The following TUBGCP3 variants were observed in gnomAD, a reference collection of about 807,000 sequenced individuals.
TUBGCP3 encodes tubulin gamma complex component 3.
A neutral mutation model predicts 123.1 loss-of-function variants in TUBGCP3; 50 were observed. That is an observed-to-expected ratio of 0.41 (90% CI 0.32 to 0.51). The LOEUF is 0.51. Ranked by LOEUF, TUBGCP3 falls within the 20% of genes least tolerant of loss-of-function variation. The pLI, the probability that TUBGCP3 is intolerant of heterozygous loss-of-function variation, is 0.36. For missense variants in TUBGCP3, 882 were observed against 1,127.0 expected (o/e 0.78, Z 3.11); for synonymous variants, 405 against 413.9 (o/e 0.98, Z 0.26).
At chr13:112,543,041 T>C (rs2139157231) in intron 11 of TUBGCP3, among the ~76,000 whole-genome samples, 1 of 152,222 alleles carries the variant, frequency 6.6e-6, no homozygotes, top group Non-Finnish European at 1.5e-5. Context: ...TTCCAGCTAC[T>C]TGGGAGGCTG....
In TUBGCP3 at chr13:112,519,011, G is replaced by A. The variant is rs1343632443; in HGVS notation, c.1914C>T (p.Phe638=). The change falls in exon 16 of 22, where the codon TTC becomes TTT. Residue 638 remains phenylalanine (F), a synonymous_variant. Coordinates refer to ENST00000261965, the MANE Select transcript of TUBGCP3 (RefSeq NM_006322.6). The surrounding 1 kb of genome is among the most constrained non-coding windows in gnomAD (Gnocchi z 6.2). ...VSPGDTGWDV[F]SLDYHVDGPI... is the part of the protein sequence containing the mutation. Reference sequence around the variant, plus strand: ...GTCCGTCAACATGATAATCGAGGCTGAAGACATCCCATCCAGTGTCACCTG... The same window carrying A: ...GTCCGTCAACATGATAATCGAGGCTAAAGACATCCCATCCAGTGTCACCTG... 14 of 1,613,938 alleles carry A rather than the reference G, an allele frequency of 8.7e-6. No individual in the cohort carries two copies. The highest frequency in any genetic ancestry group is 1.3e-5 in the African/African-American group (1 of 74,922).
chr13:112,569,781 A>C (rs908318573), intron 1 of TUBGCP3, among the ~76,000 whole-genome samples: 3 of 152,206 alleles, frequency 2.0e-5, no homozygotes, highest in African/African-American at 7.2e-5. Flanking sequence ...TAAAAGCATA[A>C]ACCAACAAGG....
rs1876924984 is a variant in TUBGCP3 at position 112,524,927 on chromosome 13, T to C, written c.1555+2015A>G. ...AAATGACATTCCTCTCTCAGTGCTA[T>C]GCTCTCCCGAAATCCCCTGCTGCCC... On this transcript the variant is annotated intron_variant, in intron 13 of 21. Transcript: ENST00000261965. This position sits in a 1 kb window ranked among gnomAD's most constrained non-coding sequence, Gnocchi z 4.4. Among the ~76,000 whole-genome samples, 2 of 152,186 alleles carry C rather than the reference T, an allele frequency of 1.3e-5. No individual in the cohort carries two copies. The highest frequency in any genetic ancestry group is 4.1e-4 in the South Asian group (2 of 4,820).
At position 112,504,151 on chromosome 13, in the gene TUBGCP3, A is replaced by C; in HGVS notation, c.2188T>G (p.Ser730Ala). The change falls in exon 19 of 22, where the codon TCT becomes GCT. Residue 730 changes from serine to alanine, a missense_variant. Physicochemically the swap from Ser to Ala is moderately conservative, Grantham distance 99 (BLOSUM62 1). Coordinates refer to ENST00000261965, the MANE Select transcript of TUBGCP3 (RefSeq NM_006322.6). ...ACTTTGTTCCAAAGCTCATCCCAAG[A>C]ACATTCAAGCACCTGGGAAACAACA... The part of the protein sequence containing the change: ...YYITFEVLEC[S>A]WDELWNKVQQ... The C allele has an allele frequency of 6.2e-7, 1 of 1,614,172 alleles. No homozygotes were observed. The highest frequency in any genetic ancestry group is 8.5e-7 in the Non-Finnish European group (1 of 1,180,026).
In TUBGCP3 at chr13:112,511,958, G is replaced by A. The variant is rs545093967; in HGVS notation, c.2086+4482C>T. Among the ~76,000 whole-genome samples the A allele has an allele frequency of 6.6e-6, 1 of 152,220 alleles. No individual in the cohort carries two copies. The highest frequency in any genetic ancestry group is 2.1e-4 in the South Asian group (1 of 4,824). ...CAAGGAAGCACTTACTCAGACACTC[G>A]TTCTCTCGAAAGCACATTTCATTCA... is the stretch of plus-strand genomic sequence containing the variant. On this transcript the variant is annotated intron_variant, in intron 17 of 21. Coordinates refer to ENST00000261965, the MANE Select transcript of TUBGCP3 (RefSeq NM_006322.6). The surrounding 1 kb of genome is among the most constrained non-coding windows in gnomAD (Gnocchi z 4.1).
chr13:112,494,856 T>C (rs912484614), intron 20 of TUBGCP3, among the ~76,000 whole-genome samples: 1 of 152,262 alleles, frequency 6.6e-6, no homozygotes, highest in African/African-American at 2.4e-5. Flanking sequence ...CTTTTTGCCA[T>C]TTGCATTGTC....
chr13:112,504,695 G>C lies in TUBGCP3; in HGVS notation c.2106C>G (p.His702Gln). 6.2e-7 allele frequency: 1 copy of C among 1,613,818 alleles called. No homozygotes were observed. Among genetic ancestry groups the C allele is most frequent in the Non-Finnish European group, 8.5e-7 (1 of 1,179,908 alleles). Residue 702 changes from histidine to glutamine, a missense_variant, in exon 18 of 22, where the codon CAC (histidine) becomes CAG (glutamine). This residue lies in a region of TUBGCP3 where 713 missense variants were observed against 874.0 expected (regional missense o/e 0.82). Transcript: ENST00000261965. The stretch of plus-strand genomic sequence containing the variant: ...TCTCAGAGGCCAAAATGTGACACTG[G>C]TGCAGCACCCCGGAGAACTCTGCAA... ...RNMPEFSGVLHQCHILASEMV... is the reference protein window; with the variant it reads ...RNMPEFSGVLQQCHILASEMV...
At position 112,527,018 on chromosome 13, in the gene TUBGCP3, C is replaced by T; in HGVS notation, c.1479G>A (p.Leu493=). 1.2e-6 allele frequency: 2 copies of T among 1,613,100 alleles called. No individual in the cohort carries two copies. The highest frequency in any genetic ancestry group is 1.7e-6 in the Non-Finnish European group (2 of 1,179,442). Reference sequence around the variant, plus strand: ...GAGTCTGATCATGACAAACTTGGTGCAAGAAATTTATTGATTTTCCTATCA... The same window carrying T: ...GAGTCTGATCATGACAAACTTGGTGTAAGAAATTTATTGATTTTCCTATCA... The part of the protein sequence containing the change: ...VLLIGKSINF[L]HQVCHDQTPT... The change falls in exon 13 of 22, where the codon TTG becomes TTA. Residue 493 remains leucine (L), a synonymous_variant. Transcript: ENST00000261965.
At chr13:112,522,626 C>T in intron 13 of TUBGCP3, 117 bp from the exon 14 acceptor site, 1 of 943,180 alleles carries the variant, frequency 1.1e-6, no homozygotes, top group Non-Finnish European at 1.6e-6. Context: ...GCATCAGTAA[C>T]AGACTGACCG....
At chr13:112,556,334 TCTGGTATAG>T in intron 5 of TUBGCP3, 110 bp from the exon 6 acceptor site, 1 of 1,060,568 alleles carries the variant, frequency 9.4e-7, no homozygotes, top group South Asian at 1.6e-5. Context: ...AATTTATAAA[TCTGGTATAG>T]CTGATACCAT....
At chr13:112,500,328 C>G (rs1325945076) in intron 19 of TUBGCP3, among the ~76,000 whole-genome samples, 4 of 152,182 alleles carry the variant, frequency 2.6e-5, no homozygotes, top group African/African-American at 9.7e-5. Context: ...GCAAACAAAA[C>G]AGCCAACAAT....
chr13:112,487,055 G>A (rs1594386460), intron 21 of TUBGCP3, among the ~76,000 whole-genome samples: 1 of 138,548 alleles, frequency 7.2e-6, no homozygotes, highest in Non-Finnish European at 1.6e-5. Context: ...CACTGTGTAT[G>A]TGTGTGTGTG....
At chr13:112,597,450 A>G in the TUBGCP3 span, among the ~76,000 whole-genome samples, 1 of 152,256 alleles carries the variant, frequency 6.6e-6, no homozygotes. Flanking sequence ...TCAGTCACAC[A>G]ATACAATTTA....
chr13:112,497,113 T>G (rs1295848712), intron 20 of TUBGCP3, among the ~76,000 whole-genome samples: 2 of 152,224 alleles, frequency 1.3e-5, no homozygotes, highest in Admixed American at 6.5e-5. Context: ...TGCACTTGAA[T>G]GCCTACTAAA....
chr13:112,604,241 G>C, the TUBGCP3 span: 2 of 152,248 alleles, frequency 1.3e-5, no homozygotes, highest in African/African-American at 4.8e-5. Flanking sequence ...ATATTTCCAA[G>C]GTTTTCTTTG....
chr13:112,566,651 C>T (rs1472092220), intron 2 of TUBGCP3, among the ~76,000 whole-genome samples: 2 of 152,136 alleles, frequency 1.3e-5, no homozygotes, highest in Admixed American at 1.3e-4. Context: ...ACTCAAAATA[C>T]AACCATGAAA....
Position 112,524,351 on chromosome 13 carries a change from A to G in TUBGCP3, c.1556-1842T>C, listed in dbSNP as rs575938335. Among the ~76,000 whole-genome samples the G allele has an allele frequency of 2.1e-4, 32 of 152,218 alleles. No individual in the cohort carries two copies. Among genetic ancestry groups the G allele is most frequent in the African/African-American group, 7.5e-4 (31 of 41,528 alleles). On this transcript the variant is annotated intron_variant, in intron 13 of 21. Coordinates refer to ENST00000261965, the MANE Select transcript of TUBGCP3 (RefSeq NM_006322.6). The surrounding 1 kb of genome is among the most constrained non-coding windows in gnomAD (Gnocchi z 4.4). ...TCTGCAGATGTGGGGCGGTGGGTACAGGGGCCGCCAGCAGCACAGCAGACG... is the reference window on the plus strand; with the variant it reads ...TCTGCAGATGTGGGGCGGTGGGTACGGGGGCCGCCAGCAGCACAGCAGACG...
At chr13:112,582,058 A>G (rs1882311516) in intron 1 of TUBGCP3, among the ~76,000 whole-genome samples, 1 of 152,182 alleles carries the variant, frequency 6.6e-6, no homozygotes. Context: ...AACCAAATCT[A>G]CTTAATCTGT....
intron 19 of TUBGCP3, among the ~76,000 whole-genome samples, chr13:112,503,671 T>TTTG (rs1489456439): frequency 6.6e-6 from 1 of 152,208 alleles, no homozygotes; most frequent in African/African-American, 2.4e-5. Flanking sequence ...CCCGGCCTGT[T>TTTG]TTGTTCTTAT....
Sources: gnomAD v4.1 joint callset for allele counts (sites outside exome capture counted in the v4.1 genomes callset) on GRCh38, gnomAD v4.1.1 for gene constraint, gnomAD v4.1.1 regional missense constraint, Gnocchi (gnomAD v3.1) non-coding constraint, MANE v1.5 for transcripts, NCBI Gene and HGNC (gene_info 2026-07-23, HGNC 2026-07-21) for gene names.